The following ATF7IP2 variants were observed in gnomAD, a reference collection of about 807,000 sequenced individuals.
The protein encoded by ATF7IP2 is activating transcription factor 7 interacting protein 2, also known as activating transcription factor 7-interacting protein 2.
A neutral mutation model predicts 64.2 loss-of-function variants in ATF7IP2; 42 were observed. The ratio of observed to expected loss-of-function variants is 0.65; its 90% confidence interval spans 0.51 to 0.85. The LOEUF is 0.85. ATF7IP2 is among the 40% of genes least tolerant of loss of function. The pLI is 0.00. For missense variants in ATF7IP2, 933 were observed against 784.2 expected, an observed-to-expected ratio of 1.19 and a Z score of -2.27; for synonymous variants, 308 against 272.8, an observed-to-expected ratio of 1.13 and a Z score of -1.27.
At chr16:10,479,195 T>C (rs1251478631) in intron 12 of ATF7IP2, among the ~76,000 whole-genome samples, 67 of 150,006 alleles carry the variant, frequency 4.5e-4, no homozygotes, top group Non-Finnish European at 8.4e-4. Flanking sequence ...TAAAGACACA[T>C]GCACACGTAT....
chr16:10,440,275 A>G (rs2048570171), intron 7 of ATF7IP2, 89 bp from the exon 8 acceptor site: 1 of 607,938 alleles, frequency 1.6e-6, no homozygotes, highest in Non-Finnish European at 2.7e-6. Flanking sequence ...AGGTCTTACA[A>G]AACTACTTTG....
At chr16:10,456,829 C>A (rs1277482706) in intron 8 of ATF7IP2, among the ~76,000 whole-genome samples, 1 of 152,186 alleles carries the variant, frequency 6.6e-6, no homozygotes, top group Non-Finnish European at 1.5e-5. Context: ...GGGTGCCCAG[C>A]TTCCATGGCA....
intron 1 of ATF7IP2, among the ~76,000 whole-genome samples, chr16:10,397,145 G>A (rs557600655): frequency 1.5e-4 from 23 of 152,238 alleles, no homozygotes; most frequent in African/African-American, 5.1e-4. Flanking sequence ...TAAATCTGTG[G>A]ATTTTATTTC....
At chr16:10,454,825 C>T (rs1185324315) in intron 8 of ATF7IP2, among the ~76,000 whole-genome samples, 1 of 152,070 alleles carries the variant, frequency 6.6e-6, no homozygotes, top group Non-Finnish European at 1.5e-5. Flanking sequence ...TCCTTGTATT[C>T]TTTGACATAT....
intron 5 of ATF7IP2, 52 bp from the exon 6 acceptor site, chr16:10,433,473 C>G: frequency 6.4e-7 from 1 of 1,551,040 alleles, no homozygotes; most frequent in South Asian, 1.2e-5. Context: ...CCACACTGAA[C>G]CTGTTTTTTT....
chr16:10,446,463 AG>A (rs2048808471), intron 8 of ATF7IP2: 1 of 152,190 alleles, frequency 6.6e-6, no homozygotes, highest in South Asian at 2.1e-4. Flanking sequence ...TCCAGTCTTT[AG>A]GGGGTGAAGG....
chr16:10,424,237 G>C (rs1422760746), intron 3 of ATF7IP2, among the ~76,000 whole-genome samples: 2 of 152,106 alleles, frequency 1.3e-5, no homozygotes, highest in Non-Finnish European at 2.9e-5. Flanking sequence ...TTCAGCGTGG[G>C]CATCATAGCC....
At chr16:10,388,209 C>A (rs1466785756) in intron 1 of ATF7IP2, among the ~76,000 whole-genome samples, 4 of 152,096 alleles carry the variant, frequency 2.6e-5, no homozygotes, top group South Asian at 2.1e-4. Flanking sequence ...ATTTTTATAT[C>A]ATTTAGATAA....
intron 8 of ATF7IP2, 46 bp downstream of exon 8, chr16:10,440,508 TA>T: frequency 9.1e-7 from 1 of 1,094,460 alleles, no homozygotes; most frequent in Non-Finnish European, 1.3e-6. Flanking sequence ...TTGACTCATA[TA>T]AGTGGTTTGA....
At chr16:10,433,417 C>A in intron 5 of ATF7IP2, 108 bp from the exon 6 acceptor site, 3 of 1,017,158 alleles carry the variant, frequency 2.9e-6, no homozygotes, top group South Asian at 3.2e-5. Context: ...TTAAGCCACC[C>A]TCCCTCCTTA....
At chr16:10,459,540 G>A (rs143059472) in intron 9 of ATF7IP2, among the ~76,000 whole-genome samples, 35 of 151,304 alleles carry the variant, frequency 2.3e-4, no homozygotes, top group Non-Finnish European at 3.1e-4. Context: ...CCAGCTACTC[G>A]GGAGGCTGAC....
chr16:10,412,999 T>A (rs968456762), intron 1 of ATF7IP2, among the ~76,000 whole-genome samples: 26 of 152,214 alleles, frequency 1.7e-4, no homozygotes, highest in Admixed American at 1.7e-3. Flanking sequence ...CTTTTGATAT[T>A]CATTTGCATA....
intron 6 of ATF7IP2, among the ~76,000 whole-genome samples, chr16:10,437,683 A>G (rs778532032): frequency 6.6e-6 from 1 of 152,244 alleles, no homozygotes; most frequent in Non-Finnish European, 1.5e-5. Flanking sequence ...TATATCTACT[A>G]CAGACCAACC....
chr16:10,481,189 C>A (rs1463515437), intron 13 of ATF7IP2, among the ~76,000 whole-genome samples: 1 of 152,164 alleles, frequency 6.6e-6, no homozygotes, highest in African/African-American at 2.4e-5. Context: ...GGAAAAGAAG[C>A]AATAGCCATT....
intron 7 of ATF7IP2, 34 bp from the exon 8 acceptor site, chr16:10,440,330 G>C (rs750434155): frequency 1.8e-6 from 2 of 1,136,006 alleles, no homozygotes; most frequent in Non-Finnish European, 2.5e-6. Flanking sequence ...TAGTACTCTG[G>C]CTTAGTATTT....
chr16:10,475,802 C>G (rs960958361), intron 12 of ATF7IP2, among the ~76,000 whole-genome samples: 9 of 149,636 alleles, frequency 6.0e-5, no homozygotes, highest in Non-Finnish European at 1.3e-4. Flanking sequence ...CAATTTAAAC[C>G]TGACCACACT....
At chr16:10,466,156 A>G (rs79867630) in intron 9 of ATF7IP2, among the ~76,000 whole-genome samples, 2 of 152,342 alleles carry the variant, frequency 1.3e-5, no homozygotes, top group Non-Finnish European at 2.9e-5. Context: ...ATTATGTGTC[A>G]TGATACCCAT....
chr16:10,437,159 C>A (rs1275220728), intron 6 of ATF7IP2, among the ~76,000 whole-genome samples: 1 of 151,866 alleles, frequency 6.6e-6, no homozygotes, highest in Non-Finnish European at 1.5e-5. Flanking sequence ...GTAGCTGAGA[C>A]TATGTTGCCT....
chr16:10,413,252 G>T (rs889700882), intron 1 of ATF7IP2, among the ~76,000 whole-genome samples: 1 of 148,580 alleles, frequency 6.7e-6, no homozygotes, highest in East Asian at 1.9e-4. Flanking sequence ...GAGGGACCCA[G>T]GGGGAGGTAA....
Sources: gnomAD v4.1 joint callset for allele counts (sites outside exome capture counted in the v4.1 genomes callset) on GRCh38, gnomAD v4.1.1 for gene constraint, MANE v1.5 for transcripts, NCBI Gene and HGNC (gene_info 2026-07-23, HGNC 2026-07-21) for gene names.